GFM2: variants seen among roughly 807,000 people sequenced by gnomAD.
The protein encoded by GFM2 is ribosome-releasing factor 2, mitochondrial.
Under a neutral mutation model 95.4 loss-of-function variants are expected in GFM2, and 72 were observed. The ratio of observed to expected loss-of-function variants is 0.76; its 90% CI spans 0.62 to 0.92. GFM2 has a LOEUF of 0.92. GFM2 is among the 40% of genes least tolerant of loss of function. The probability of loss-of-function intolerance (pLI) is 0.00; values close to 1 mark genes in which losing one functional copy is unlikely to be tolerated. For synonymous variants in GFM2, 276 were observed against 317.5 expected, an observed-to-expected ratio of 0.87 and a Z score of 1.39; for missense variants, 825 against 924.1, an observed-to-expected ratio of 0.89 and a Z score of 1.39.
intron 5 of GFM2, among the ~76,000 whole-genome samples, chr5:74,754,005 C>T (rs1743848071): frequency 6.6e-6 from 1 of 152,152 alleles, no homozygotes. Flanking sequence ...ATCAGATTAA[C>T]AGCAGACTTC....
intron 2 of GFM2, among the ~76,000 whole-genome samples, chr5:74,763,067 T>C (rs558680723): frequency 6.6e-6 from 1 of 152,210 alleles, no homozygotes; most frequent in East Asian, 1.9e-4. Context: ...GGTATTATTA[T>C]GTTTGAGATT....
Position 74,735,776 on chromosome 5 carries a change from T to C in GFM2, c.1510+1020A>G, listed in dbSNP as rs1321165536. Among the ~76,000 whole-genome samples, 3 of 152,136 alleles carry C rather than the reference T, an allele frequency of 2.0e-5. No homozygotes were observed. In the East Asian group the frequency reaches 5.8e-4, roughly 29 times the overall value. ...TAGGTACTATAGTTTTATTCTAATT[T>C]GGGTTAAAGAAGAGGGTCAAAATGA... is the stretch of plus-strand genomic sequence containing the variant. On this transcript the variant is annotated intron_variant, in intron 15 of 20. Coordinates refer to ENST00000296805, the MANE Select transcript of GFM2 (RefSeq NM_032380.5).
chr5:74,753,772 T>C (rs191776438), intron 5 of GFM2, among the ~76,000 whole-genome samples: 11 of 152,132 alleles, frequency 7.2e-5, no homozygotes, highest in South Asian at 4.1e-4. Context: ...AAGAGAAATC[T>C]AAAAGTCTGG....
At chr5:74,729,905 C>T (rs1750333472) in intron 17 of GFM2, among the ~76,000 whole-genome samples, 1 of 152,110 alleles carries the variant, frequency 6.6e-6, no homozygotes, top group Non-Finnish European at 1.5e-5. Flanking sequence ...CTGAAACTGA[C>T]TTTCTACTTT....
intron 7 of GFM2, 134 bp downstream of exon 7, chr5:74,750,443 TTC>T: frequency 1.8e-6 from 1 of 561,336 alleles, no homozygotes; most frequent in East Asian, 3.1e-5. Context: ...TCAATATAAA[TTC>T]TGATTTCCTT....
Position 74,750,590 on chromosome 5 carries a change from C to T in GFM2, c.508G>A (p.Ala170Thr), listed in dbSNP as rs1269951585. The T allele has an allele frequency of 6.2e-7, 1 of 1,609,886 alleles. No individual in the cohort carries two copies. The highest frequency in any genetic ancestry group is 8.5e-7 in the Non-Finnish European group (1 of 1,176,642). Residue 170 changes from alanine to threonine, a missense_variant, in exon 7 of 21, where the codon GCT becomes ACT. Physicochemically the swap from Ala to Thr is moderately conservative, Grantham distance 58 (BLOSUM62 0). Coordinates refer to ENST00000296805, the MANE Select transcript of GFM2 (RefSeq NM_032380.5). ...DGAVAVFDAS[A>T]GVEAQTLTVW... ...GCAATATTATTTACCTCTACACCAGCAGAGGCATCAAATACAGCCACTGCA... is the reference window on the plus strand; with the variant it reads ...GCAATATTATTTACCTCTACACCAGTAGAGGCATCAAATACAGCCACTGCA...
intron 16 of GFM2, 25 bp downstream of exon 16, chr5:74,732,997 T>C: frequency 2.1e-6 from 3 of 1,396,450 alleles, no homozygotes; most frequent in Non-Finnish European, 2.0e-6. Context: ...GAAAGGCTTC[T>C]GGAGTTTAGC....
intron 3 of GFM2, among the ~76,000 whole-genome samples, chr5:74,759,822 G>C (rs1011867305): frequency 5.9e-5 from 9 of 152,016 alleles, no homozygotes; most frequent in Non-Finnish European, 1.3e-4. Context: ...CCTTTTCCAG[G>C]GTTTGAAGAG....
In GFM2 at chr5:74,725,924, T is replaced by C. The variant is rs1750125259; in HGVS notation, c.1912+17A>G. 7 of 1,598,314 alleles carry C rather than the reference T, an allele frequency of 4.4e-6. No homozygotes were observed. The highest frequency in any genetic ancestry group is 5.1e-6 in the Non-Finnish European group (6 of 1,171,000). ...TTGAGTGGGATACTAATGCTTACTC[T>C]CATTTGAGTGTCTTACCTTGGAGAC... On this transcript the variant is annotated intron_variant, in intron 18 of 20. Coordinates refer to ENST00000296805, the MANE Select transcript of GFM2 (RefSeq NM_032380.5).
intron 1 of GFM2, chr5:74,765,104 C>A: frequency 7.9e-7 from 1 of 1,258,044 alleles, no homozygotes; most frequent in Non-Finnish European, 1.0e-6. Context: ...ATTCCCTTTT[C>A]ATTGGTAACG....
In GFM2 at chr5:74,738,370, T is replaced by G; in HGVS notation, c.1268A>C (p.Glu423Ala). The change falls in exon 14 of 21, where the codon GAA (glutamate) becomes GCA (alanine). Residue 423 changes from glutamate (E) to alanine (A), a missense_variant. Glu to Ala is a moderately radical substitution (Grantham distance 107). Coordinates refer to ENST00000296805, the MANE Select transcript of GFM2 (RefSeq NM_032380.5). Reference sequence around the variant, plus strand: ...GTTACCAGCAGTCAATGAAGGGATTTCTACATGTTGGTCAGCAAACGGCAA... The same window carrying G: ...GTTACCAGCAGTCAATGAAGGGATTGCTACATGTTGGTCAGCAAACGGCAA... ...LLLPFADQHVEIPSLTAGNIA... is the reference protein window; with the variant it reads ...LLLPFADQHVAIPSLTAGNIA... 1 of 1,613,716 alleles carries G rather than the reference T, an allele frequency of 6.2e-7. No individual in the cohort carries two copies. Among genetic ancestry groups the G allele is most frequent in the African/African-American group, 1.3e-5 (1 of 75,014 alleles).
At chr5:74,750,791 A>G (rs375166290) in intron 6 of GFM2, 124 bp from the exon 7 acceptor site, 15 of 658,722 alleles carry the variant, frequency 2.3e-5, no homozygotes, top group East Asian at 1.7e-4. Flanking sequence ...ATATAAAGGT[A>G]TTGAAAGCAG....
In GFM2 at chr5:74,737,003, G is replaced by T; in HGVS notation, c.1321-18C>A. ...GTGGCAGTCTGCAAGCAAACAAGATGACTTGGAACGAAAGTGGCATTTAGC... is the reference window on the plus strand; with the variant it reads ...GTGGCAGTCTGCAAGCAAACAAGATTACTTGGAACGAAAGTGGCATTTAGC... On this transcript the variant is annotated intron_variant, in intron 14 of 20. Transcript: ENST00000296805. The T allele has an allele frequency of 3.1e-6, 5 of 1,611,376 alleles. No homozygotes were observed. The South Asian group carries it at 5.5e-5, about 18-fold the overall frequency.
intron 5 of GFM2, among the ~76,000 whole-genome samples, chr5:74,756,268 T>C (rs1169652283): frequency 6.6e-6 from 1 of 150,954 alleles, no homozygotes; most frequent in Non-Finnish European, 1.5e-5. Flanking sequence ...TATATGTGTA[T>C]ATACATACAT....
At chr5:74,742,581 G>C (rs1345504799) in intron 10 of GFM2, among the ~76,000 whole-genome samples, 1 of 152,030 alleles carries the variant, frequency 6.6e-6, no homozygotes, top group Non-Finnish European at 1.5e-5. Flanking sequence ...ATTGGAAGTT[G>C]ATTCTATTCC....
intron 3 of GFM2, among the ~76,000 whole-genome samples, 154 bp from the exon 4 acceptor site, chr5:74,759,580 T>C (rs866909268): frequency 6.6e-6 from 1 of 152,156 alleles, no homozygotes; most frequent in African/African-American, 2.4e-5. Flanking sequence ...TAAAATTTAT[T>C]TCCTTGCAAT....
Position 74,738,659 on chromosome 5 carries a change from C to T in GFM2, c.1080-17G>A. 6.3e-7 allele frequency: 1 copy of T among 1,587,794 alleles called. No individual in the cohort carries two copies. On this transcript the variant is annotated splice_polypyrimidine_tract_variant and intron_variant, in intron 12 of 20. Coordinates refer to ENST00000296805, the MANE Select transcript of GFM2 (RefSeq NM_032380.5). ...TACCACTGCCTATAAAATAAACATT[C>T]CAAAAAGGCCTATAAAATACACTTC...
chr5:74,730,305 G>A lies in GFM2; in HGVS notation c.1681C>T (p.Gln561Ter), dbSNP rs1203075628. ...YGLETYLGPLQVAYRETILNS... is the reference protein window; with the variant it reads ...YGLETYLGPL ...AGGATGGTCTCTCGATATGCCACCT[G>A]GAGAGGCCCGAGATAGGTCTCCAGT... Residue 561 changes from glutamine (Q) to a stop codon, truncating the protein, a stop_gained, in exon 17 of 21, where the codon CAG (glutamine) becomes TAG (stop). Transcript: ENST00000296805. LOFTEE classifies it high-confidence loss of function. 2 of 1,613,404 alleles carry A rather than the reference G, an allele frequency of 1.2e-6. No individual in the cohort carries two copies. Among genetic ancestry groups the A allele is most frequent in the East Asian group, 2.2e-5 (1 of 44,868 alleles).
At position 74,763,990 on chromosome 5, in the gene GFM2, GT is replaced by G. The variant is rs150876239; in HGVS notation, c.-24-225del. ...TTTAGGTTTAAAATGTCCCTTATTTGTCAATGTAATGTTTAAAGAAAGATAT... is the reference window on the plus strand; with the variant it reads ...TTTAGGTTTAAAATGTCCCTTATTTGCAATGTAATGTTTAAAGAAAGATAT... On this transcript the variant is annotated intron_variant, in intron 1 of 20. Coordinates refer to ENST00000296805, the MANE Select transcript of GFM2 (RefSeq NM_032380.5). Among the ~76,000 whole-genome samples, 3,638 of 152,186 alleles carry G rather than the reference GT, an allele frequency of 0.024. 142 individuals are homozygous for G. The highest frequency in any genetic ancestry group is 0.084 in the African/African-American group (3,469 of 41,530).
Sources: gnomAD v4.1 joint callset for allele counts (sites outside exome capture counted in the v4.1 genomes callset) on GRCh38, gnomAD v4.1.1 for gene constraint, MANE v1.5 for transcripts, NCBI Gene and HGNC (gene_info 2026-07-23, HGNC 2026-07-21) for gene names.